PRPF8: variants seen among roughly 807,000 people sequenced by gnomAD.
PRPF8 encodes the protein pre-mRNA-processing-splicing factor 8.
A neutral mutation model predicts 285.9 loss-of-function variants in PRPF8; 64 were observed. The ratio of observed to expected loss-of-function variants is 0.22; its 90% CI spans 0.18 to 0.28. PRPF8 has a LOEUF of 0.28. Among genes scored for constraint, PRPF8 ranks in the 10% least tolerant of loss-of-function variants. The pLI is 1.00. For missense variants in PRPF8, 1,426 were observed against 3,026.7 expected, an observed-to-expected ratio of 0.47 and a Z score of 12.41; for synonymous variants, 1,325 against 1,118.2, an observed-to-expected ratio of 1.18 and a Z score of -3.69.
intron 24 of PRPF8, among the ~76,000 whole-genome samples, chr17:1,671,843 TC>T (rs1191179419): frequency 2.8e-5 from 3 of 107,610 alleles, no homozygotes; most frequent in Non-Finnish European, 5.1e-5. Context: ...AGAGCAAGAC[TC>T]CATCTCAAAA....
rs774104474 is a variant in PRPF8, at chr17:1,673,737, T to C, written c.3446+9A>G. 5.6e-6 allele frequency: 9 copies of C among 1,613,886 alleles called. No individual in the cohort carries two copies. In the Admixed American group the frequency reaches 1.3e-4, roughly 24 times the overall value. On this transcript the variant is annotated intron_variant, in intron 22 of 42. Coordinates refer to ENST00000304992, the MANE Select transcript of PRPF8 (RefSeq NM_006445.4). The surrounding 1 kb of genome is among the most constrained non-coding windows in gnomAD (Gnocchi z 5.5). Reference sequence around the variant, plus strand: ...CCTTCCAGCTCACACAGCCCCAACCTAGACTCACAAGTTAACATCATGTTT... The same window carrying C: ...CCTTCCAGCTCACACAGCCCCAACCCAGACTCACAAGTTAACATCATGTTT...
intron 2 of PRPF8, among the ~76,000 whole-genome samples, chr17:1,684,178 C>A (rs1913098724): frequency 6.6e-6 from 1 of 152,188 alleles, no homozygotes; most frequent in Middle Eastern, 3.2e-3. Flanking sequence ...TGAGCCACCG[C>A]GCCCGGCCTG....
chr17:1,651,691 G>A lies in PRPF8; in HGVS notation c.6467C>T (p.Thr2156Ile). The A allele has an allele frequency of 6.2e-7, 1 of 1,614,162 alleles. No individual in the cohort carries two copies. Among genetic ancestry groups the A allele is most frequent in the South Asian group, 1.1e-5 (1 of 91,084 alleles). The stretch of plus-strand genomic sequence containing the variant: ...GGGCAGCTGGCCAGGCAGGTGCACG[G>A]TCTGGTGAGTGCCCCACTGCGGCAC... ...VMVPQWGTHQ[T>I]VHLPGQLPQH... Residue 2156 changes from threonine (T) to isoleucine (I), a missense_variant, in exon 40 of 43, where the codon ACC (threonine) becomes ATC (isoleucine). Transcript: ENST00000304992. The surrounding 1 kb of genome is among the most constrained non-coding windows in gnomAD (Gnocchi z 5.1).
chr17:1,673,207 A>T lies in PRPF8; in HGVS notation c.3658-10T>A. 1.2e-6 allele frequency: 2 copies of T among 1,613,184 alleles called. No individual in the cohort carries two copies. The highest frequency in any genetic ancestry group is 2.2e-5 in the South Asian group (2 of 91,064). On this transcript the variant is annotated splice_polypyrimidine_tract_variant and intron_variant, in intron 23 of 42. Coordinates refer to ENST00000304992, the MANE Select transcript of PRPF8 (RefSeq NM_006445.4). This position sits in a 1 kb window ranked among gnomAD's most constrained non-coding sequence, Gnocchi z 5.5. ...TGCGCTCCTTAGTAACCTAAACCAC[A>T]AAGTCAAGGTTAACATGTCCGAGGA... is the stretch of plus-strand genomic sequence containing the variant.
chr17:1,672,848 A>G, intron 24 of PRPF8: 1 of 600,808 alleles, frequency 1.7e-6, no homozygotes, highest in Admixed American at 2.9e-5. Flanking sequence ...GCCTTAATTT[A>G]GAATCATCAC....
At chr17:1,655,235 G>T in intron 37 of PRPF8, 115 bp downstream of exon 37, 1 of 1,188,570 alleles carries the variant, frequency 8.4e-7, no homozygotes, top group Non-Finnish European at 1.2e-6. Context: ...TGGGATTACA[G>T]GCATGAGCCA....
chr17:1,677,822 G>A lies in PRPF8; in HGVS notation c.1855-128C>T, dbSNP rs1240141552. 35 of 1,249,612 alleles carry A rather than the reference G, an allele frequency of 2.8e-5. 1 individual carries two copies. The highest frequency in any genetic ancestry group is 4.0e-5 in the South Asian group (3 of 75,016). 77.4% of individuals were successfully genotyped at this position (1,249,612 alleles called of 1,614,324 possible). On this transcript the variant is annotated intron_variant, in intron 13 of 42. Transcript: ENST00000304992. Reference sequence around the variant, plus strand: ...AGGAATGTAGGTATGGCAGTAGAGGGGTAAAAAGAAAAAAAAACTCTGGGA... The same window carrying A: ...AGGAATGTAGGTATGGCAGTAGAGGAGTAAAAAGAAAAAAAAACTCTGGGA...
At chr17:1,671,921 A>G (rs941345203) in intron 24 of PRPF8, among the ~76,000 whole-genome samples, 3 of 151,564 alleles carry the variant, frequency 2.0e-5, no homozygotes, top group South Asian at 2.1e-4. Context: ...GTGGTCCCAG[A>G]TACTTGGGAG....
intron 24 of PRPF8, among the ~76,000 whole-genome samples, chr17:1,667,505 A>G (rs2151120974): frequency 6.6e-6 from 1 of 151,942 alleles, no homozygotes; most frequent in East Asian, 1.9e-4. Context: ...TGTCTTCATA[A>G]AAAACAAGTT....
Position 1,656,421 on chromosome 17 carries a change from C to T in PRPF8, c.5764G>A (p.Asp1922Asn). 2.5e-6 allele frequency: 4 copies of T among 1,614,144 alleles called. No individual in the cohort carries two copies. The highest frequency in any genetic ancestry group is 2.2e-5 in the East Asian group (1 of 44,886). Residue 1922 changes from aspartate to asparagine, a missense_variant, in exon 36 of 43, where the codon GAC (aspartate) becomes AAC (asparagine). Physicochemically the swap from Asp to Asn is conservative, Grantham distance 23. Coordinates refer to ENST00000304992, the MANE Select transcript of PRPF8 (RefSeq NM_006445.4). ...TAAGATGAAATAGTCTTGAGCCAGT[C>T]GTCATAGAGGTTGAAGAGAACCATC... ...PQMVLFNLYDDWLKTISSYTA... is the reference protein window; with the variant it reads ...PQMVLFNLYDNWLKTISSYTA...
At position 1,650,646 on chromosome 17, in the gene PRPF8, T is replaced by G. The variant is rs1368988743; in HGVS notation, c.*156A>C. 14 of 836,508 alleles carry G rather than the reference T, an allele frequency of 1.7e-5. No individual in the cohort carries two copies. Among genetic ancestry groups the G allele is most frequent in the Non-Finnish European group, 2.6e-5 (14 of 542,386 alleles). 51.8% of individuals were successfully genotyped at this position (836,508 alleles called of 1,614,324 possible). A position where few individuals can be genotyped will look rare whatever the true frequency, so the allele number is the denominator to read the frequency against. On this transcript the variant is annotated 3_prime_UTR_variant, in exon 43 of 43. Transcript: ENST00000304992. ...CCCTGAACTCCTATTTATACAAAAT[T>G]TATTATTATATTTTATTCAGGATGA... is the stretch of plus-strand genomic sequence containing the variant.
intron 24 of PRPF8, among the ~76,000 whole-genome samples, chr17:1,667,055 C>A (rs1912028266): frequency 6.6e-6 from 1 of 152,112 alleles, no homozygotes; most frequent in African/African-American, 2.4e-5. Context: ...CACCTGTAAT[C>A]CCAGCTACTC....
chr17:1,657,972 A>C (rs866114015), intron 34 of PRPF8, among the ~76,000 whole-genome samples: 3,668 of 108,192 alleles, frequency 0.034, 38 homozygotes, highest in Middle Eastern at 0.05. Flanking sequence ...CTCCGGCTAA[A>C]AAAAAAAAAA....
chr17:1,674,454 T>C lies in PRPF8; in HGVS notation c.3287A>G (p.His1096Arg). The change falls in exon 21 of 43, where the codon CAT becomes CGT. Residue 1096 changes from histidine to arginine, a missense_variant. Around this residue, in one of 34 missense-constraint regions of PRPF8, gnomAD observed 148 missense variants for 196.2 expected, o/e 0.75. Coordinates refer to ENST00000304992, the MANE Select transcript of PRPF8 (RefSeq NM_006445.4). Reference sequence around the variant, plus strand: ...GGAAAGCCCTCACCTGAAAAAAATATGGATGCGATCAATGTATCTGCAGAA... The same window carrying C: ...GGAAAGCCCTCACCTGAAAAAAATACGGATGCGATCAATGTATCTGCAGAA... Reference protein sequence around the residue: ...RLFCRYIDRIHIFFRFTADEA... With the variant: ...RLFCRYIDRIRIFFRFTADEA... 1.2e-6 allele frequency: 2 copies of C among 1,614,084 alleles called. No homozygotes were observed. The highest frequency in any genetic ancestry group is 1.1e-5 in the South Asian group (1 of 91,084).
intron 2 of PRPF8, 67 bp downstream of exon 2, chr17:1,684,405 A>ACCCGCCTGCGCGCGCGCACACCCGC: frequency 6.5e-7 from 1 of 1,543,712 alleles, no homozygotes; most frequent in Non-Finnish European, 8.9e-7. Flanking sequence ...GAGGGTCCCC[A>ACCCGCCTGCGCGCGCGCACACCCGC]CCCGCCTGCG....
At chr17:1,680,640 C>T (rs2151130942) in intron 8 of PRPF8, 86 bp downstream of exon 8, 5 of 1,226,056 alleles carry the variant, frequency 4.1e-6, no homozygotes, top group South Asian at 2.4e-5. Context: ...AACACATCTC[C>T]CTCCACCTGA....
In PRPF8 at chr17:1,653,885, G is replaced by A. The variant is rs1218092618; in HGVS notation, c.6119C>T (p.Thr2040Met). 1.2e-6 allele frequency: 2 copies of A among 1,614,168 alleles called. No individual in the cohort carries two copies. Among genetic ancestry groups the A allele is most frequent in the South Asian group, 1.1e-5 (1 of 91,076 alleles). Residue 2040 changes from threonine to methionine, a missense_variant, in exon 38 of 43, where the codon ACG (threonine) becomes ATG (methionine). Thr to Met is a moderately conservative substitution (Grantham distance 81). Coordinates refer to ENST00000304992, the MANE Select transcript of PRPF8 (RefSeq NM_006445.4). This position sits in a 1 kb window ranked among gnomAD's most constrained non-coding sequence, Gnocchi z 4.9. Reference sequence around the variant, plus strand: ...GTTGACAGTGCGAGTCTGTGTTGCCGTCAGCTGCGATTGTTCCTTGGTCTG... The same window carrying A: ...GTTGACAGTGCGAGTCTGTGTTGCCATCAGCTGCGATTGTTCCTTGGTCTG... ...EKQTKEQSQLTATQTRTVNKH... is the reference protein window; with the variant it reads ...EKQTKEQSQLMATQTRTVNKH...
At position 1,658,065 on chromosome 17, in the gene PRPF8, T is replaced by C. The variant is rs575550398; in HGVS notation, c.5505+188A>G. Among the ~76,000 whole-genome samples the C allele has an allele frequency of 5.9e-5, 9 of 152,050 alleles. No individual in the cohort carries two copies. The South Asian group carries it at 1.2e-3, about 21-fold the overall frequency. On this transcript the variant is annotated intron_variant, in intron 34 of 42. Coordinates refer to ENST00000304992, the MANE Select transcript of PRPF8 (RefSeq NM_006445.4). The surrounding 1 kb of genome is among the most constrained non-coding windows in gnomAD (Gnocchi z 4.1). ...TTAGAAATTCAGGAAACAGACCAGC[T>C]GGAAGGGAACGAAGCACCTCATACA... is the stretch of plus-strand genomic sequence containing the variant.
intron 30 of PRPF8, 33 bp downstream of exon 30, chr17:1,660,399 C>G (rs1179747530): frequency 1.9e-6 from 3 of 1,612,306 alleles, no homozygotes; most frequent in South Asian, 2.2e-5. Context: ...AGCTGACTCT[C>G]TACAGTACCC....
Sources: gnomAD v4.1 joint callset for allele counts (sites outside exome capture counted in the v4.1 genomes callset) on GRCh38, gnomAD v4.1.1 for gene constraint, gnomAD v4.1.1 regional missense constraint, Gnocchi (gnomAD v3.1) non-coding constraint, MANE v1.5 for transcripts, NCBI Gene and HGNC (gene_info 2026-07-23, HGNC 2026-07-21) for gene names.